Variants in ABLIM1 observed in about 807,000 individuals in gnomAD.
The protein encoded by ABLIM1 is actin-binding LIM protein 1.
In ABLIM1, 40 loss-of-function variants were observed where a neutral mutation model predicts 107.0. The ratio of observed to expected loss-of-function variants is 0.37; its 90% CI spans 0.29 to 0.49. The LOEUF (loss-of-function observed/expected upper bound fraction) is 0.49. Ranked by LOEUF, ABLIM1 falls within the 20% of genes least tolerant of loss-of-function variation. The pLI is 0.97. For missense variants in ABLIM1, 857 were observed against 1,008.5 expected (o/e 0.85, Z 2.04); for synonymous variants, 357 against 357.3 (o/e 1.00, Z 0.01).
chr10:114,512,318 G>C (rs2061999872), intron 6 of ABLIM1, among the ~76,000 whole-genome samples: 1 of 152,206 alleles, frequency 6.6e-6, no homozygotes, highest in Non-Finnish European at 1.5e-5. Flanking sequence ...GATTCCTCTG[G>C]GGACCAGTCT....
intron 6 of ABLIM1, among the ~76,000 whole-genome samples, chr10:114,498,027 C>T (rs2059923547): frequency 6.6e-6 from 1 of 152,112 alleles, no homozygotes; most frequent in Admixed American, 6.6e-5. Context: ...TTATGAAACC[C>T]TTTGTCTGGA....
At chr10:114,526,722 C>G (rs1565828051) in intron 6 of ABLIM1, 39 of 985,404 alleles carry the variant, frequency 4.0e-5, no homozygotes, top group Non-Finnish European at 4.5e-5. Context: ...GAGAACTCCT[C>G]CAGGCTTCAA....
chr10:114,676,746 G>A (rs1169628598), intron 1 of ABLIM1, among the ~76,000 whole-genome samples: 1 of 151,940 alleles, frequency 6.6e-6, no homozygotes, highest in Non-Finnish European at 1.5e-5. Context: ...TCAGTATGAA[G>A]CTTTTTTCTT....
At chr10:114,644,331 G>GTATATATACAAT (rs1566167105) in intron 1 of ABLIM1, among the ~76,000 whole-genome samples, 1,153 of 86,584 alleles carry the variant, frequency 0.013, 33 homozygotes, top group African/African-American at 0.053. Context: ...ATATATATAT[G>GTATATATACAAT]TGTATATATT....
intron 1 of ABLIM1, among the ~76,000 whole-genome samples, chr10:114,698,030 T>C (rs2081231779): frequency 6.6e-6 from 1 of 152,082 alleles, no homozygotes; most frequent in African/African-American, 2.4e-5. Context: ...TAGAAATCTC[T>C]GTATTAATCC....
intron 10 of ABLIM1, among the ~76,000 whole-genome samples, chr10:114,472,381 G>A (rs1285084986): frequency 6.6e-6 from 1 of 152,068 alleles, no homozygotes; most frequent in African/African-American, 2.4e-5. Context: ...TATGAGCACT[G>A]TACCTGGTCC....
chr10:114,445,749 T>G (rs937689341), intron 15 of ABLIM1, among the ~76,000 whole-genome samples: 2 of 152,182 alleles, frequency 1.3e-5, no homozygotes, highest in Non-Finnish European at 2.9e-5. Flanking sequence ...GTTGTTATTT[T>G]GATGTCTTTG....
rs888987230 is a variant in ABLIM1, at chr10:114,632,736, C to T, written c.244+25221G>A. On this transcript the variant is annotated intron_variant, in intron 1 of 22. Coordinates refer to ENST00000533213, the MANE Select transcript of ABLIM1 (RefSeq NM_002313.7). ...TCCATGTAGGGGGGATTTTGACTTC[C>T]CCCTTCTCCCTCTGTTTCATCGGAG... The T allele has an allele frequency of 4.1e-6, 4 of 985,190 alleles. No homozygotes were observed. The African/African-American group carries it at 7.0e-5, about 17-fold the overall frequency. 61.0% of individuals were successfully genotyped at this position (985,190 alleles called of 1,614,324 possible). A position where few individuals can be genotyped will look rare whatever the true frequency, so the allele number is the denominator to read the frequency against.
At chr10:114,588,184 T>C (rs1054807765) in intron 2 of ABLIM1, among the ~76,000 whole-genome samples, 2 of 152,104 alleles carry the variant, frequency 1.3e-5, no homozygotes, top group Non-Finnish European at 2.9e-5. Context: ...TGCAGAAAAA[T>C]TGTACGATAG....
rs373528721 is a variant in ABLIM1 at position 114,638,760 on chromosome 10, G to C, written c.244+19197C>G. 1.5e-4 allele frequency among the ~76,000 whole-genome samples: 23 copies of C among 152,208 alleles called. 1 individual carries two copies. Among genetic ancestry groups the C allele is most frequent in the Admixed American group, 8.5e-4 (13 of 15,294 alleles). On this transcript the variant is annotated intron_variant, in intron 1 of 22. Coordinates refer to ENST00000533213, the MANE Select transcript of ABLIM1 (RefSeq NM_002313.7). Reference sequence around the variant, plus strand: ...TAGCAATGATGCTGCCCTTTGCCTTGCCTGTGTAAAGCAATCCTTTTTCCA... The same window carrying C: ...TAGCAATGATGCTGCCCTTTGCCTTCCCTGTGTAAAGCAATCCTTTTTCCA...
At chr10:114,603,845 CA>C (rs1253113635) in intron 1 of ABLIM1, among the ~76,000 whole-genome samples, 6 of 150,982 alleles carry the variant, frequency 4.0e-5, no homozygotes, top group African/African-American at 1.5e-4. Context: ...CCCAGCTACT[CA>C]GGGGGCTGAG....
intron 10 of ABLIM1, among the ~76,000 whole-genome samples, chr10:114,469,782 T>C (rs1467859269): frequency 6.6e-6 from 1 of 152,260 alleles, no homozygotes; most frequent in African/African-American, 2.4e-5. Flanking sequence ...GTTGCTCAAG[T>C]ATTTTCCAGA....
chr10:114,455,931 C>T (rs1291451726), intron 12 of ABLIM1, among the ~76,000 whole-genome samples: 1 of 151,988 alleles, frequency 6.6e-6, no homozygotes, highest in Non-Finnish European at 1.5e-5. Flanking sequence ...TCCCGCCTCA[C>T]CCTCCTGAGT....
intron 1 of ABLIM1, among the ~76,000 whole-genome samples, chr10:114,718,279 T>G (rs2081752256): frequency 1.3e-5 from 2 of 151,978 alleles, no homozygotes; most frequent in South Asian, 4.2e-4. Flanking sequence ...AAATAAAACT[T>G]CCAAACTATC....
At chr10:114,738,354 T>C (rs1261647757) in intron 1 of ABLIM1, among the ~76,000 whole-genome samples, 1 of 152,164 alleles carries the variant, frequency 6.6e-6, no homozygotes. Context: ...CCAGCAGATA[T>C]GTGAATTATA....
At chr10:114,568,398 A>G (rs2071124630) in intron 4 of ABLIM1, among the ~76,000 whole-genome samples, 2 of 152,322 alleles carry the variant, frequency 1.3e-5, no homozygotes, top group South Asian at 4.1e-4. Flanking sequence ...TTTTAAAAAA[A>G]CATTAAAAAT....
chr10:114,480,254 T>G (rs1252466023), intron 8 of ABLIM1, among the ~76,000 whole-genome samples: 1 of 152,144 alleles, frequency 6.6e-6, no homozygotes, highest in Non-Finnish European at 1.5e-5. Flanking sequence ...TGAACTGAAC[T>G]CAATAACCCA....
upstream of ABLIM1, among the ~76,000 whole-genome samples, chr10:114,689,364 GT>G (rs35878862): frequency 0.055 from 7,243 of 132,538 alleles, 240 homozygotes; most frequent in African/African-American, 0.12. Context: ...TTGTATATTG[GT>G]TTTTTTTTTT....
At chr10:114,790,921 T>C in the ABLIM1 span, among the ~76,000 whole-genome samples, 1 of 152,168 alleles carries the variant, frequency 6.6e-6, no homozygotes, top group Non-Finnish European at 1.5e-5. Context: ...TAAAATTACA[T>C]GTATTTGTAA....
Sources: allele counts gnomAD v4.1 joint callset (sites outside exome capture counted in the v4.1 genomes callset), GRCh38; gene constraint gnomAD v4.1.1; transcripts MANE v1.5; gene names NCBI Gene and HGNC (gene_info 2026-07-23, HGNC 2026-07-21).